Variants in NALF1 observed in about 807,000 individuals in gnomAD.
NALF1 encodes the protein family with sequence similarity 155 member A.
Under a neutral mutation model 48.4 loss-of-function variants are expected in NALF1, and 3 were observed. The observed-to-expected ratio is 0.06, with a 90% CI of 0.03 to 0.16. The LOEUF (loss-of-function observed/expected upper bound fraction) is 0.16, where lower values mean the gene tolerates loss of function less well. Ranked by LOEUF, NALF1 falls within the 10% of genes least tolerant of loss-of-function variation. The pLI is 1.00. For synonymous variants in NALF1, 262 were observed against 245.7 expected (o/e 1.07, Z -0.62); for missense variants, 526 against 571.5 (o/e 0.92, Z 0.81).
intron 1 of NALF1, among the ~76,000 whole-genome samples, chr13:107,612,436 G>A (rs1208180349): frequency 2.6e-5 from 4 of 152,018 alleles, no homozygotes; most frequent in Admixed American, 2.0e-4. Context: ...CGGCTTGCCT[G>A]GGCCATGGAT....
At chr13:107,675,838 C>T (rs1371639076) in intron 1 of NALF1, among the ~76,000 whole-genome samples, 3 of 152,144 alleles carry the variant, frequency 2.0e-5, no homozygotes, top group African/African-American at 7.2e-5. Context: ...GTCACTCATA[C>T]ATGGGGATCT....
intron 1 of NALF1, among the ~76,000 whole-genome samples, chr13:107,237,339 A>T (rs1323028695): frequency 2.0e-5 from 3 of 152,118 alleles, no homozygotes; most frequent in Non-Finnish European, 4.4e-5. Context: ...TATGAAGAAA[A>T]GCAAAAAAAT....
chr13:107,563,504 C>T (rs1877705166), intron 1 of NALF1, among the ~76,000 whole-genome samples: 1 of 152,166 alleles, frequency 6.6e-6, no homozygotes, highest in South Asian at 2.1e-4. Context: ...TTGAGAAGCC[C>T]TGACACAGCA....
intron 1 of NALF1, among the ~76,000 whole-genome samples, chr13:107,254,305 G>A (rs1322542820): frequency 6.6e-6 from 1 of 152,092 alleles, no homozygotes; most frequent in African/African-American, 2.4e-5. Context: ...TCTGGTTGTT[G>A]GGTGGAAAGC....
intron 1 of NALF1, among the ~76,000 whole-genome samples, chr13:107,287,706 C>CTTTTTTTTTT (rs59607599): frequency 1.6e-5 from 2 of 127,898 alleles, no homozygotes; most frequent in African/African-American, 2.8e-5. Context: ...TCTTTTCTTT[C>CTTTTTTTTTT]TTTTTTTTTT....
At chr13:107,556,660 T>C (rs1877492639) in intron 1 of NALF1, among the ~76,000 whole-genome samples, 2 of 98,576 alleles carry the variant, frequency 2.0e-5, no homozygotes, top group African/African-American at 6.7e-5. Flanking sequence ...CCCAGCTTTT[T>C]GTATTTATTA....
chr13:107,398,910 G>A (rs929977073), intron 1 of NALF1, among the ~76,000 whole-genome samples: 4 of 152,218 alleles, frequency 2.6e-5, no homozygotes, highest in South Asian at 2.1e-4. Flanking sequence ...TTCTACATAC[G>A]AGGAAGGCTG....
chr13:107,642,458 G>A, intron 1 of NALF1, among the ~76,000 whole-genome samples: 1 of 152,150 alleles, frequency 6.6e-6, no homozygotes, highest in East Asian at 1.9e-4. Flanking sequence ...CATATGCCCA[G>A]CATATAAGAT....
chr13:107,655,126 A>G lies in NALF1; in HGVS notation c.915+210556T>C, dbSNP rs927501311. 2.0e-5 allele frequency among the ~76,000 whole-genome samples: 3 copies of G among 152,116 alleles called. No individual in the cohort carries two copies. The South Asian group carries it at 6.2e-4, about 31-fold the overall frequency. ...CCTACTTTCACCACTTCTACTCAGCATAGTACTGGAAGTCCTAGCCAGAGC... is the reference window on the plus strand; with the variant it reads ...CCTACTTTCACCACTTCTACTCAGCGTAGTACTGGAAGTCCTAGCCAGAGC... On this transcript the variant is annotated intron_variant, in intron 1 of 2. Coordinates refer to ENST00000375915, the MANE Select transcript of NALF1 (RefSeq NM_001080396.3).
chr13:107,710,250 G>T (rs531862517), intron 1 of NALF1, among the ~76,000 whole-genome samples: 18 of 152,034 alleles, frequency 1.2e-4, no homozygotes, highest in African/African-American at 4.3e-4. Flanking sequence ...CAAACCTCTC[G>T]GTATCTACTC....
chr13:107,631,049 C>T (rs1468351313), intron 1 of NALF1, among the ~76,000 whole-genome samples: 3 of 151,932 alleles, frequency 2.0e-5, no homozygotes. Context: ...CTCTTTTGCC[C>T]AGGCTGCAGT....
intron 1 of NALF1, among the ~76,000 whole-genome samples, chr13:107,865,138 G>A (rs983072740): frequency 6.6e-6 from 1 of 152,124 alleles, no homozygotes; most frequent in African/African-American, 2.4e-5. Context: ...CAGACTTTCT[G>A]AACAACCAGA....
At chr13:107,591,411 T>C (rs553665427) in intron 1 of NALF1, among the ~76,000 whole-genome samples, 6 of 152,044 alleles carry the variant, frequency 3.9e-5, no homozygotes, top group African/African-American at 1.4e-4. Flanking sequence ...TCCAAACCTA[T>C]CTTTTAGATA....
At chr13:107,442,360 A>G (rs919008291) in intron 1 of NALF1, among the ~76,000 whole-genome samples, 1 of 152,250 alleles carries the variant, frequency 6.6e-6, no homozygotes, top group African/African-American at 2.4e-5. Flanking sequence ...TATGTTTTGC[A>G]TAAATAAACT....
intron 1 of NALF1, among the ~76,000 whole-genome samples, chr13:107,853,881 A>T (rs1379071998): frequency 6.6e-6 from 1 of 152,244 alleles, no homozygotes. Flanking sequence ...GTGAAATAGC[A>T]TAGAAATAGT....
At chr13:107,262,212 C>G (rs1880940836) in intron 1 of NALF1, among the ~76,000 whole-genome samples, 1 of 152,014 alleles carries the variant, frequency 6.6e-6, no homozygotes, top group African/African-American at 2.4e-5. Context: ...ATTAAGAGTT[C>G]TAAACCAGCC....
At chr13:107,651,828 T>C (rs1880457048) in intron 1 of NALF1, among the ~76,000 whole-genome samples, 1 of 152,086 alleles carries the variant, frequency 6.6e-6, no homozygotes, top group African/African-American at 2.4e-5. Flanking sequence ...AAATAAGACA[T>C]CAGAATAGAG....
chr13:107,427,254 T>A (rs1884296279), intron 1 of NALF1, among the ~76,000 whole-genome samples: 1 of 151,772 alleles, frequency 6.6e-6, no homozygotes. Flanking sequence ...ATTACACTAT[T>A]TTTCCATTGT....
chr13:107,761,101 T>C (rs1877249328), intron 1 of NALF1, among the ~76,000 whole-genome samples: 1 of 152,132 alleles, frequency 6.6e-6, no homozygotes, highest in South Asian at 2.1e-4. Flanking sequence ...ATCACACTTG[T>C]AATCCCAGTA....
Sources: allele counts gnomAD v4.1 joint callset (sites outside exome capture counted in the v4.1 genomes callset), GRCh38; gene constraint gnomAD v4.1.1; transcripts MANE v1.5; gene names NCBI Gene and HGNC (gene_info 2026-07-23, HGNC 2026-07-21).